Variants in EYA1 observed in about 807,000 individuals in gnomAD.
EYA1 encodes the protein EYA transcriptional coactivator and phosphatase 1.
Under a neutral mutation model 82.0 loss-of-function variants are expected in EYA1, and 16 were observed. The ratio of observed to expected loss-of-function variants is 0.20; its 90% confidence interval spans 0.13 to 0.30. The LOEUF is 0.30. Among genes scored for constraint, EYA1 ranks in the 10% least tolerant of loss-of-function variants. The pLI, the probability that EYA1 is intolerant of heterozygous loss-of-function variation, is 1.00. For synonymous variants in EYA1, 261 were observed against 264.4 expected (o/e 0.99, Z 0.12); for missense variants, 633 against 730.7 (o/e 0.87, Z 1.54).
intron 2 of EYA1, among the ~76,000 whole-genome samples, chr8:71,457,092 T>C (rs552528614): frequency 6.6e-6 from 1 of 151,992 alleles, no homozygotes; most frequent in Non-Finnish European, 1.5e-5. Flanking sequence ...CATCAAAAAG[T>C]GGGCAAAGGA....
chr8:71,248,564 G>A (rs1486759562), intron 11 of EYA1, among the ~76,000 whole-genome samples: 3 of 152,180 alleles, frequency 2.0e-5, no homozygotes, highest in African/African-American at 7.2e-5. Flanking sequence ...AGAGCACGGA[G>A]TTCCTAGAGG....
intron 2 of EYA1, among the ~76,000 whole-genome samples, chr8:71,453,708 A>G (rs1807603999): frequency 6.6e-6 from 1 of 152,224 alleles, no homozygotes; most frequent in Admixed American, 6.5e-5. Flanking sequence ...TCCTTTATGG[A>G]CAAGCAAATG....
chr8:71,228,848 G>T lies in EYA1; in HGVS notation c.1141-11825C>A, dbSNP rs188660153. Among the ~76,000 whole-genome samples, 6 of 152,250 alleles carry T rather than the reference G, an allele frequency of 3.9e-5. No homozygotes were observed. The East Asian group carries it at 1.2e-3, about 29-fold the overall frequency. ...ACTGTCACTATGATTTTCTGTCAGG[G>T]AAGGTACTAGATTCTTGTAAAGCCC... On this transcript the variant is annotated intron_variant, in intron 12 of 17. Transcript: ENST00000340726.
At chr8:71,444,808 G>C (rs1806732320) in intron 2 of EYA1, among the ~76,000 whole-genome samples, 1 of 152,202 alleles carries the variant, frequency 6.6e-6, no homozygotes, top group Non-Finnish European at 1.5e-5. Context: ...CCATCGACCA[G>C]ATTTCACTTC....
chr8:71,455,095 A>T lies in EYA1; in HGVS notation c.33+80649T>A, dbSNP rs558437261. On this transcript the variant is annotated intron_variant, in intron 2 of 18. Coordinates refer to the EYA1 transcript ENST00000643681. ...GGGGATATCACCACTGATCCACAGA[A>T]ATACAAACTACCATAAGAGAATACT... Among the ~76,000 whole-genome samples the T allele has an allele frequency of 3.9e-5, 6 of 152,360 alleles. No individual in the cohort carries two copies. In the East Asian group the frequency reaches 1.2e-3, roughly 29 times the overall value.
At chr8:71,424,231 T>C (rs1327116563) in intron 2 of EYA1, among the ~76,000 whole-genome samples, 1 of 152,146 alleles carries the variant, frequency 6.6e-6, no homozygotes, top group Non-Finnish European at 1.5e-5. Flanking sequence ...CCAAATGAAA[T>C]ATAAGCAATC....
intron 2 of EYA1, among the ~76,000 whole-genome samples, chr8:71,455,121 A>C (rs952661641): frequency 1.3e-5 from 2 of 152,238 alleles, no homozygotes; most frequent in African/African-American, 2.4e-5. Context: ...AGAGAATACT[A>C]TAAATACCTC....
intron 2 of EYA1, among the ~76,000 whole-genome samples, chr8:71,471,194 G>C (rs550223027): frequency 6.6e-6 from 1 of 151,950 alleles, no homozygotes; most frequent in African/African-American, 2.4e-5. Context: ...TCTTACTCTG[G>C]GGAAAGGGTC....
chr8:71,329,980 G>A (rs898322279), intron 4 of EYA1, among the ~76,000 whole-genome samples: 2 of 152,256 alleles, frequency 1.3e-5, no homozygotes, highest in East Asian at 3.9e-4. Context: ...GAACACAGAC[G>A]AAGTTAGGGA....
At chr8:71,367,525 T>G (rs2129085790) in intron 2 of EYA1, among the ~76,000 whole-genome samples, 1 of 149,058 alleles carries the variant, frequency 6.7e-6, no homozygotes, top group African/African-American at 2.5e-5. Flanking sequence ...CAGTATTAAT[T>G]TTTTCTTCCT....
chr8:71,233,436 C>T (rs1020443994), intron 12 of EYA1, among the ~76,000 whole-genome samples: 4 of 151,868 alleles, frequency 2.6e-5, no homozygotes, highest in Admixed American at 1.3e-4. Flanking sequence ...TGGTGGTGGG[C>T]GCCTGTATTC....
intron 11 of EYA1, among the ~76,000 whole-genome samples, chr8:71,262,825 A>T (rs1357310314): frequency 6.6e-6 from 1 of 152,212 alleles, no homozygotes; most frequent in African/African-American, 2.4e-5. Context: ...ATTTGAAAAA[A>T]TGTGCTTCTG....
intron 4 of EYA1, among the ~76,000 whole-genome samples, chr8:71,327,730 G>C (rs1181731438): frequency 1.3e-5 from 2 of 152,090 alleles, no homozygotes; most frequent in Non-Finnish European, 2.9e-5. Flanking sequence ...GCAGGTGCTA[G>C]GGCTCCTTGA....
intron 2 of EYA1, among the ~76,000 whole-genome samples, chr8:71,478,340 T>C (rs1809831143): frequency 6.6e-6 from 1 of 152,130 alleles, no homozygotes; most frequent in Non-Finnish European, 1.5e-5. Flanking sequence ...TTGGTATAAA[T>C]GTACCCATGC....
At chr8:71,437,979 A>G (rs1806130477) in intron 2 of EYA1, among the ~76,000 whole-genome samples, 1 of 152,174 alleles carries the variant, frequency 6.6e-6, no homozygotes, top group Non-Finnish European at 1.5e-5. Flanking sequence ...AAAAATATTT[A>G]GATCAGGGAT....
intron 2 of EYA1, among the ~76,000 whole-genome samples, chr8:71,395,658 G>C (rs182879691): frequency 2.0e-5 from 3 of 152,276 alleles, no homozygotes; most frequent in African/African-American, 7.2e-5. Flanking sequence ...GATCACGGTG[G>C]ATAAGCTTTT....
rs1227545409 is a variant in EYA1, at chr8:71,197,758, T to A, written c.*1582A>T. 1 of 152,572 alleles carries A rather than the reference T, an allele frequency of 6.6e-6. No individual in the cohort carries two copies. Among genetic ancestry groups the A allele is most frequent in the Non-Finnish European group, 1.5e-5 (1 of 68,010 alleles). The allele number at this position is 152,572 out of a possible 1,614,324, so 9.5% of individuals were successfully genotyped here. ...TACTTCGGGTCAAAGCTGGTGTTTT[T>A]CCCGCCCAATATATGATTGATTAAA... On this transcript the variant is annotated 3_prime_UTR_variant, in exon 18 of 18. Transcript: ENST00000340726.
chr8:71,440,716 G>A (rs966809370), intron 2 of EYA1, among the ~76,000 whole-genome samples: 2 of 152,170 alleles, frequency 1.3e-5, no homozygotes, highest in African/African-American at 4.8e-5. Context: ...ATATCTACCT[G>A]TGTGTCATTA....
At position 71,303,593 on chromosome 8, in the gene EYA1, C is replaced by T. The variant is rs560235130; in HGVS notation, c.557-3873G>A. ...AATTTTTCACGACCAGAATCAAGTT[C>T]GCAGGGCCGCTCCACCTGCCTTCAC... On this transcript the variant is annotated intron_variant, in intron 7 of 17. Coordinates refer to ENST00000340726, the MANE Select transcript of EYA1 (RefSeq NM_000503.6). Among the ~76,000 whole-genome samples the T allele has an allele frequency of 6.4e-5, 9 of 140,984 alleles. 1 individual carries two copies. Among genetic ancestry groups the T allele is most frequent in the African/African-American group, 1.5e-4 (6 of 40,078 alleles). The allele number at this position is 140,984 out of a possible 152,430, so 92.5% of individuals were successfully genotyped here.
Sources: allele counts gnomAD v4.1 joint callset (sites outside exome capture counted in the v4.1 genomes callset), GRCh38; gene constraint gnomAD v4.1.1; transcripts MANE v1.5; gene names NCBI Gene and HGNC (gene_info 2026-07-23, HGNC 2026-07-21).